NRK: variants seen among roughly 807,000 people sequenced by gnomAD.
NRK encodes the protein Nik related kinase, also known as nik-related protein kinase.
In NRK, 67 loss-of-function variants were observed where a neutral mutation model predicts 125.2. That is an observed-to-expected ratio of 0.54 (90% confidence interval 0.44 to 0.66). NRK has a LOEUF of 0.66. Among genes scored for constraint, NRK ranks in the 30% least tolerant of loss-of-function variants. NRK has a pLI of 0.00. For missense variants in NRK, 1,224 were observed against 1,192.9 expected, an observed-to-expected ratio of 1.03 and a Z score of -0.38; for synonymous variants, 458 against 429.0, an observed-to-expected ratio of 1.07 and a Z score of -0.84.
intron 15 of NRK, among the ~76,000 whole-genome samples, chrX:105,916,422 C>G (rs895674311): frequency 9.1e-6 from 1 of 110,313 alleles, no homozygotes; most frequent in African/African-American, 3.3e-5. Flanking sequence ...TTAAGAAAAT[C>G]TCACCCCCTC....
intron 2 of NRK, among the ~76,000 whole-genome samples, chrX:105,874,872 A>AG (rs2039793506): frequency 8.9e-6 from 1 of 111,857 alleles, no homozygotes; most frequent in Non-Finnish European, 1.9e-5. Flanking sequence ...CCAAACTGAA[A>AG]TCAACACATT....
Position 105,924,898 on chromosome X carries a change from A to G in NRK, c.3179A>G (p.Asp1060Gly), listed in dbSNP as rs1353032215. Residue 1060 changes from aspartate (D) to glycine (G), a missense_variant, in exon 19 of 29, where the codon GAT becomes GGT. By Grantham distance (94) the Asp-to-Gly change is moderately conservative. Coordinates refer to ENST00000243300, the MANE Select transcript of NRK (RefSeq NM_198465.4). ...AGTGAAAGAAGAGGCAGTGAGGGTG[A>G]TGGAGGTAAGGGAGTCGTTCGAACC... ...IGSERRGSEG[D>G]GGKGVVRTSE... The G allele has an allele frequency of 8.3e-7, 1 of 1,210,881 alleles. No individual in the cohort carries two copies. The highest frequency in any genetic ancestry group is 1.1e-6 in the Non-Finnish European group (1 of 894,739).
At chrX:105,954,506 A>G (rs975419637) in intron 28 of NRK, among the ~76,000 whole-genome samples, 1 of 110,454 alleles carries the variant, frequency 9.1e-6, no homozygotes, top group Admixed American at 9.7e-5. Context: ...TTGTCTAATA[A>G]TATTAAATAT....
chrX:105,837,625 T>G (rs1417573579), intron 2 of NRK, among the ~76,000 whole-genome samples: 1 of 111,260 alleles, frequency 9.0e-6, no homozygotes, highest in Admixed American at 9.6e-5. Flanking sequence ...AGTTCAAGCC[T>G]CACTTGAAAT....
chrX:105,898,839 A>ATTTCCTACTAGCATTTAAT, intron 8 of NRK, 125 bp downstream of exon 8: 1 of 478,919 alleles, frequency 2.1e-6, no homozygotes. Flanking sequence ...AAATGCTAGT[A>ATTTCCTACTAGCATTTAAT]GGAAATACAA....
rs769052969 is a variant in NRK at position 105,845,390 on chromosome X, C to A, written c.123+14271C>A. On this transcript the variant is annotated intron_variant, in intron 2 of 28. Transcript: ENST00000243300. The stretch of plus-strand genomic sequence containing the variant: ...AGATAGAGGGGTGAAGGAATAGAGC[C>A]TGGTAAGTGGGGAAAGAGAGAAATA... Among the ~76,000 whole-genome samples the A allele has an allele frequency of 1.7e-4, 19 of 111,232 alleles. No individual in the cohort carries two copies. In the Admixed American group the frequency reaches 1.7e-3, roughly 10 times the overall value.
In NRK at chrX:105,906,585, A is replaced by G; in HGVS notation, c.1017A>G (p.Lys339=). The change falls in exon 11 of 29, where the codon AAA becomes AAG. Residue 339 remains lysine, a synonymous_variant. Transcript: ENST00000243300. ...HLTGIIKKRQ[K]KGIPLIFERE... ...CTGGAATCATTAAAAAAAGACAGAA[A>G]AAAGGTAGAATCTGTTAAGTTTTAT... 1 of 1,014,392 alleles carries G rather than the reference A, an allele frequency of 9.9e-7. No individual in the cohort carries two copies. The highest frequency in any genetic ancestry group is 1.3e-6 in the Non-Finnish European group (1 of 753,263). The allele number at this position is 1,014,392 out of a possible 1,213,427, so 83.6% of individuals were successfully genotyped here.
chrX:105,915,703 A>G, intron 14 of NRK, 27 bp from the exon 15 acceptor site: 2 of 888,826 alleles, frequency 2.3e-6, no homozygotes, highest in Non-Finnish European at 1.6e-6. Context: ...CAAGAATTCT[A>G]CTGAAGTATT....
chrX:105,921,448 A>G (rs1399568232), intron 16 of NRK, among the ~76,000 whole-genome samples: 2 of 107,181 alleles, frequency 1.9e-5, no homozygotes, highest in Admixed American at 1.0e-4. Flanking sequence ...AACCTGCACA[A>G]TGTGCACATG....
chrX:105,955,570 T>C lies in NRK; in HGVS notation c.4719T>C (p.Leu1573=). The change falls in exon 29 of 29, where the codon CTT becomes CTC. Residue 1573 remains leucine (L), a synonymous_variant. Coordinates refer to ENST00000243300, the MANE Select transcript of NRK (RefSeq NM_198465.4). ...TTTACTTCATGACACTTGGAAAACTTGAAGAGCTCCAAAGCAATTATGATG... is the reference window on the plus strand; with the variant it reads ...TTTACTTCATGACACTTGGAAAACTCGAAGAGCTCCAAAGCAATTATGATG... ...SRVYFMTLGK[L]EELQSNYDV 1.7e-6 allele frequency: 2 copies of C among 1,179,455 alleles called. No individual in the cohort carries two copies. Among genetic ancestry groups the C allele is most frequent in the Non-Finnish European group, 2.3e-6 (2 of 871,590 alleles).
intron 4 of NRK, among the ~76,000 whole-genome samples, chrX:105,887,442 G>C (rs2039962055): frequency 8.9e-6 from 1 of 112,128 alleles, no homozygotes. Context: ...GTTGGTGATA[G>C]TGTAGAGAAA....
rs33936206 is a variant in NRK at position 105,909,821 on chromosome X, G to A, written c.2180G>A (p.Arg727His). 4.2e-3 allele frequency: 4,881 copies of A among 1,172,518 alleles called. 121 individuals are homozygous for A. The African/African-American group carries it at 0.075, about 18-fold the overall frequency. Residue 727 changes from arginine to histidine, a missense_variant, in exon 13 of 29, where the codon CGC becomes CAC. Transcript: ENST00000243300. ...GATTTAGAAGCCCGCAGGCAAAGGC[G>A]CCAACGCAGATGGGAAGATATCTTT... ...LSDLEARRQR[R>H]QRRWEDIFNQ... is the part of the protein sequence containing the mutation.
chrX:105,917,787 G>T, intron 16 of NRK, 115 bp downstream of exon 16: 1 of 420,611 alleles, frequency 2.4e-6, no homozygotes, highest in Non-Finnish European at 4.0e-6. Context: ...AAGTGTCAGG[G>T]AGCCCAAGTA....
rs749598076 is a variant in NRK at position 105,937,396 on chromosome X, A to G, written c.3656-43A>G. On this transcript the variant is annotated intron_variant, in intron 21 of 28. Coordinates refer to ENST00000243300, the MANE Select transcript of NRK (RefSeq NM_198465.4). Reference sequence around the variant, plus strand: ...AAATAGTAATATAGATGCAATTATGAAAAATAATCTGAGCTAATATAGCAC... The same window carrying G: ...AAATAGTAATATAGATGCAATTATGGAAAATAATCTGAGCTAATATAGCAC... 62 of 964,766 alleles carry G rather than the reference A, an allele frequency of 6.4e-5. No homozygotes were observed. In the South Asian group the frequency reaches 1.7e-3, roughly 26 times the overall value. 79.5% of individuals were successfully genotyped at this position (964,766 alleles called of 1,213,427 possible).
At chrX:105,944,913 C>A (rs2040793726) in intron 24 of NRK, among the ~76,000 whole-genome samples, 1 of 111,630 alleles carries the variant, frequency 9.0e-6, no homozygotes, top group African/African-American at 3.3e-5. Context: ...TATGGATAGG[C>A]CACATAAATA....
chrX:105,908,449 A>G (rs2040247910), intron 12 of NRK, 146 bp downstream of exon 12: 1 of 442,957 alleles, frequency 2.3e-6, no homozygotes, highest in Non-Finnish European at 3.8e-6. Context: ...ATATTGAGTG[A>G]AAATGTGAGA....
intron 2 of NRK, among the ~76,000 whole-genome samples, chrX:105,863,143 C>T (rs2039623178): frequency 1.8e-5 from 2 of 111,702 alleles, no homozygotes; most frequent in Non-Finnish European, 3.8e-5. Flanking sequence ...TTTTCTGAAA[C>T]GCAAGAAGTA....
At chrX:105,943,804 G>T (rs2040777484) in intron 23 of NRK, 137 bp from the exon 24 acceptor site, 1 of 410,783 alleles carries the variant, frequency 2.4e-6, no homozygotes, top group Non-Finnish European at 4.3e-6. Flanking sequence ...GCATCAAATT[G>T]TAACCAAGTA....
intron 10 of NRK, among the ~76,000 whole-genome samples, chrX:105,906,004 A>G (rs746076397): frequency 1.8e-5 from 2 of 112,025 alleles, no homozygotes; most frequent in South Asian, 7.5e-4. Flanking sequence ...TTGGATCATT[A>G]TATTCATTCC....
Sources: gnomAD v4.1 joint callset for allele counts (sites outside exome capture counted in the v4.1 genomes callset) on GRCh38, gnomAD v4.1.1 for gene constraint, MANE v1.5 for transcripts, NCBI Gene and HGNC (gene_info 2026-07-23, HGNC 2026-07-21) for gene names.